The following FAM120B variants were observed in gnomAD, a reference collection of about 807,000 sequenced individuals.
FAM120B encodes the protein constitutive coactivator of peroxisome proliferator-activated receptor gamma.
FAM120B carries 83 observed loss-of-function variants against 96.3 expected under a neutral mutation model. The observed-to-expected ratio is 0.86, with a 90% CI of 0.72 to 1.03. The LOEUF (loss-of-function observed/expected upper bound fraction) is 1.03. Ranked by LOEUF, FAM120B falls within the 50% of genes least tolerant of loss-of-function variation. The probability of loss-of-function intolerance (pLI) is 0.00; values close to 1 mark genes in which losing one functional copy is unlikely to be tolerated. For missense variants in FAM120B, 1,027 were observed against 1,121.2 expected (o/e 0.92, Z 1.20); for synonymous variants, 407 against 402.7 (o/e 1.01, Z -0.13).
intron 7 of FAM120B, 95 bp downstream of exon 7, chr6:170,388,588 A>C: frequency 9.7e-7 from 1 of 1,032,820 alleles, no homozygotes; most frequent in Non-Finnish European, 1.5e-6. Flanking sequence ...TTTCAAATTA[A>C]TGCTTTCCAA....
rs554650220 is a variant in FAM120B, at chr6:170,360,351, C to T, written c.2283+2033C>T. 6.6e-5 allele frequency among the ~76,000 whole-genome samples: 10 copies of T among 152,290 alleles called. No homozygotes were observed. In the South Asian group the frequency reaches 1.5e-3, roughly 22 times the overall value. ...TACTGTTCTTCGTAGGCATTTAGTG[C>T]ATTCGATCTTCGTTTCCACACCCCG... On this transcript the variant is annotated intron_variant, in intron 6 of 10. Coordinates refer to ENST00000476287, the MANE Select transcript of FAM120B (RefSeq NM_032448.3).
intron 6 of FAM120B, among the ~76,000 whole-genome samples, chr6:170,361,252 A>ATATATATAGTTTTAAGTT (rs1386106298): frequency 3.5e-5 from 5 of 141,666 alleles, no homozygotes; most frequent in Non-Finnish European, 7.7e-5. Flanking sequence ...ATATATATAT[A>ATATATATAGTTTTAAGTT]TACGTGTATA....
intron 6 of FAM120B, among the ~76,000 whole-genome samples, chr6:170,382,684 T>C (rs1180729820): frequency 6.6e-6 from 1 of 152,176 alleles, no homozygotes; most frequent in Non-Finnish European, 1.5e-5. Flanking sequence ...ACCGTGTTCA[T>C]GTACTGGAAG....
At chr6:170,325,312 G>A (rs76813473) in intron 3 of FAM120B, among the ~76,000 whole-genome samples, 2,243 of 152,160 alleles carry the variant, frequency 0.015, 52 homozygotes, top group African/African-American at 0.052. Context: ...AACATCTAAA[G>A]TGCATCTCTT....
intron 2 of FAM120B, among the ~76,000 whole-genome samples, chr6:170,320,740 G>A (rs1465419598): frequency 6.6e-6 from 1 of 152,214 alleles, no homozygotes; most frequent in African/African-American, 2.4e-5. Flanking sequence ...CCTATTTTAT[G>A]TGTAAAGTAA....
chr6:170,382,594 C>T (rs1356174512), intron 6 of FAM120B, among the ~76,000 whole-genome samples: 1 of 152,146 alleles, frequency 6.6e-6, no homozygotes, highest in East Asian at 1.9e-4. Context: ...ATTAAATAAA[C>T]ATATACAGGA....
At position 170,398,613 on chromosome 6, in the gene FAM120B, C is replaced by T. The variant is rs1778346752; in HGVS notation, c.2692+3034C>T. Reference sequence around the variant, plus strand: ...TGGGGAAGGTAGAACTATGTCTTAACTCTTCGGAGTGAGTGGGAAAGGTAG... The same window carrying T: ...TGGGGAAGGTAGAACTATGTCTTAATTCTTCGGAGTGAGTGGGAAAGGTAG... On this transcript the variant is annotated intron_variant, in intron 9 of 10. Transcript: ENST00000476287. Among the ~76,000 whole-genome samples, 3 of 135,114 alleles carry T rather than the reference C, an allele frequency of 2.2e-5. 1 individual carries two copies. Among genetic ancestry groups the T allele is most frequent in the Non-Finnish European group, 4.7e-5 (3 of 63,992 alleles). The allele number at this position is 135,114 out of a possible 152,430, so 88.6% of individuals were successfully genotyped here. A position where few individuals can be genotyped will look rare whatever the true frequency, so the allele number is the denominator to read the frequency against.
At chr6:170,296,095 G>A (rs1219734814) in intron 1 of FAM120B, among the ~76,000 whole-genome samples, 2 of 152,196 alleles carry the variant, frequency 1.3e-5, no homozygotes, top group Non-Finnish European at 2.9e-5. Flanking sequence ...AGCACCGGCG[G>A]GCACGCCTTT....
upstream of FAM120B, among the ~76,000 whole-genome samples, chr6:170,294,377 G>GT (rs939430281): frequency 6.6e-6 from 1 of 152,172 alleles, no homozygotes; most frequent in Non-Finnish European, 1.5e-5. The surrounding 1 kb of genome is among the most constrained non-coding windows in gnomAD (Gnocchi z 7.9). Flanking sequence ...TGGTGGTGGT[G>GT]TTTTTTGTTT....
At chr6:170,340,854 T>C (rs1158358802) in intron 4 of FAM120B, among the ~76,000 whole-genome samples, 2 of 152,182 alleles carry the variant, frequency 1.3e-5, no homozygotes, top group Non-Finnish European at 2.9e-5. Context: ...CTCCTTCCTG[T>C]GGAAGCTTCC....
Position 170,370,756 on chromosome 6 carries a change from T to C in FAM120B, c.2283+12438T>C, listed in dbSNP as rs1034601490. ...AGGACTTGTTTTCCTTAACATTCTTTTAAACTTGGTTTCTTCCTGTAGCTT... is the reference window on the plus strand; with the variant it reads ...AGGACTTGTTTTCCTTAACATTCTTCTAAACTTGGTTTCTTCCTGTAGCTT... On this transcript the variant is annotated intron_variant, in intron 6 of 10. Coordinates refer to ENST00000476287, the MANE Select transcript of FAM120B (RefSeq NM_032448.3). The surrounding 1 kb of genome is among the most constrained non-coding windows in gnomAD (Gnocchi z 4.3). 6.6e-6 allele frequency among the ~76,000 whole-genome samples: 1 copy of C among 152,178 alleles called. No individual in the cohort carries two copies.
At chr6:170,319,940 G>A (rs188223882) in intron 2 of FAM120B, among the ~76,000 whole-genome samples, 2 of 152,230 alleles carry the variant, frequency 1.3e-5, no homozygotes, top group African/African-American at 2.4e-5. Flanking sequence ...AATTCTGAAA[G>A]TATTACAGCG....
At position 170,378,095 on chromosome 6, in the gene FAM120B, A is replaced by T. The variant is rs1287878722; in HGVS notation, c.2284-10192A>T. ...GTTTAGAGTTTATATTTAATACCTG[A>T]TAGAGTTGCCATAAAATGCTCATTT... On this transcript the variant is annotated intron_variant, in intron 6 of 10. Coordinates refer to ENST00000476287, the MANE Select transcript of FAM120B (RefSeq NM_032448.3). Among the ~76,000 whole-genome samples, 6 of 152,328 alleles carry T rather than the reference A, an allele frequency of 3.9e-5. No homozygotes were observed. The East Asian group carries it at 5.8e-4, about 15-fold the overall frequency.
chr6:170,292,912 AG>A, upstream of FAM120B, among the ~76,000 whole-genome samples: 1 of 152,348 alleles, frequency 6.6e-6, no homozygotes, highest in African/African-American at 2.4e-5. This position sits in a 1 kb window ranked among gnomAD's most constrained non-coding sequence, Gnocchi z 6.6. Flanking sequence ...CAGGTGAGAA[AG>A]GCAGGCTGGG....
intron 1 of FAM120B, among the ~76,000 whole-genome samples, chr6:170,299,332 C>A (rs1784094226): frequency 6.6e-6 from 1 of 152,176 alleles, no homozygotes; most frequent in African/African-American, 2.4e-5. Context: ...TTCAAATGTT[C>A]TTTTATTCCT....
chr6:170,393,367 A>T (rs1454164416), intron 8 of FAM120B, among the ~76,000 whole-genome samples: 2 of 152,164 alleles, frequency 1.3e-5, no homozygotes, highest in African/African-American at 4.8e-5. Context: ...TATTTTGAGC[A>T]CTAAAGATGA....
At position 170,317,671 on chromosome 6, in the gene FAM120B, A is replaced by T; in HGVS notation, c.281A>T (p.Glu94Val). 1.2e-6 allele frequency: 2 copies of T among 1,614,198 alleles called. No homozygotes were observed. Among genetic ancestry groups the T allele is most frequent in the Non-Finnish European group, 1.7e-6 (2 of 1,180,040 alleles). Residue 94 changes from glutamate to valine, a missense_variant, in exon 2 of 11, where the codon GAG becomes GTG. By Grantham distance (121) the Glu-to-Val change is moderately radical. This residue lies in a region of FAM120B where 880 missense variants were observed against 980.9 expected (regional missense o/e 0.90). Coordinates refer to ENST00000476287, the MANE Select transcript of FAM120B (RefSeq NM_032448.3). The part of the protein sequence containing the change: ...KLIFFFDGMV[E>V]QDKRDEWVKR... ...ATATTCTTCTTTGATGGCATGGTGG[A>T]GCAGGATAAGAGAGATGAATGGGTG...
At chr6:170,358,173 A>G in intron 5 of FAM120B, 53 bp from the exon 6 acceptor site, 1 of 1,426,994 alleles carries the variant, frequency 7.0e-7, no homozygotes, top group African/African-American at 1.4e-5. Context: ...AATTTGTAAG[A>G]AATGTTTAAT....
Position 170,295,414 on chromosome 6 carries a change from A to C in FAM120B, c.9A>C (p.Gly3=). 1.4e-6 allele frequency: 1 copy of C among 701,706 alleles called. No homozygotes were observed. The highest frequency in any genetic ancestry group is 2.7e-5 in the East Asian group (1 of 37,234). The allele number at this position is 701,706 out of a possible 1,614,324, so 43.5% of individuals were successfully genotyped here. ...GGGCATCGATCTGGTTTATGTTTGG[A>C]CCTCGAGGCTCCACCAGCGCTGGCG... Residue 3 remains glycine (G), a synonymous_variant, in exon 1 of 11, where the codon GGA becomes GGC. Coordinates refer to the FAM120B transcript ENST00000537664. The surrounding 1 kb of genome is among the most constrained non-coding windows in gnomAD (Gnocchi z 7.8).
Sources: allele counts gnomAD v4.1 joint callset (sites outside exome capture counted in the v4.1 genomes callset), GRCh38; gene constraint gnomAD v4.1.1; regional missense constraint gnomAD v4.1.1; non-coding constraint Gnocchi (gnomAD v3.1); transcripts MANE v1.5; gene names NCBI Gene and HGNC (gene_info 2026-07-23, HGNC 2026-07-21).